The following LAMB3 variants were observed in gnomAD, a reference collection of about 807,000 sequenced individuals.
LAMB3 encodes laminin subunit beta-3.
LAMB3 carries 104 observed loss-of-function variants against 140.3 expected under a neutral mutation model. The ratio of observed to expected loss-of-function variants is 0.74; its 90% CI spans 0.63 to 0.87. The LOEUF (loss-of-function observed/expected upper bound fraction) is 0.87, where lower values mean the gene tolerates loss of function less well. LAMB3 is among the 40% of genes least tolerant of loss of function. LAMB3 has a pLI of 0.00. For synonymous variants in LAMB3, 592 were observed against 602.9 expected (o/e 0.98, Z 0.26); for missense variants, 1,531 against 1,575.2 (o/e 0.97, Z 0.47).
In LAMB3 at chr1:209,615,081, TA is replaced by T; in HGVS notation, c.*189del. 1.6e-6 allele frequency: 1 copy of T among 631,552 alleles called. No individual in the cohort carries two copies. The highest frequency in any genetic ancestry group is 2.8e-6 in the Non-Finnish European group (1 of 363,152). The allele number at this position is 631,552 out of a possible 1,614,324, so 39.1% of individuals were successfully genotyped here. On this transcript the variant is annotated 3_prime_UTR_variant, in exon 23 of 23. Transcript: ENST00000356082. ...CTCCACCATCTTTGTCTGTCAAGTG[TA>T]ACTGTCCCATTGGCTCAGGCTCAGC...
chr1:209,649,875 C>A lies in LAMB3; in HGVS notation c.183+89G>T, dbSNP rs1457280945. 6 of 1,467,072 alleles carry A rather than the reference C, an allele frequency of 4.1e-6. No homozygotes were observed. In the African/African-American group the frequency reaches 7.0e-5, roughly 17 times the overall value. 90.9% of individuals were successfully genotyped at this position (1,467,072 alleles called of 1,614,324 possible). On this transcript the variant is annotated intron_variant, in intron 3 of 22. Coordinates refer to ENST00000356082, the MANE Select transcript of LAMB3 (RefSeq NM_000228.3). Reference sequence around the variant, plus strand: ...GTAGTACACAGGGCTTGGCCTACACCAAGTACATTCTAAGTATTCAGTGGA... The same window carrying A: ...GTAGTACACAGGGCTTGGCCTACACAAAGTACATTCTAAGTATTCAGTGGA...
At chr1:209,651,400 A>G (rs879565032) in intron 1 of LAMB3, 1 of 212,280 alleles carries the variant, frequency 4.7e-6, no homozygotes, top group Non-Finnish European at 9.8e-6. Context: ...CAGGGCCTAG[A>G]CCAGCAGCCT....
At position 209,623,393 on chromosome 1, in the gene LAMB3, G is replaced by A. The variant is rs1666282383; in HGVS notation, c.2358+112C>T. On this transcript the variant is annotated intron_variant, in intron 16 of 22. Coordinates refer to ENST00000356082, the MANE Select transcript of LAMB3 (RefSeq NM_000228.3). The surrounding 1 kb of genome is among the most constrained non-coding windows in gnomAD (Gnocchi z 4.2). ...TACAAGGGTCGGGATGGCTGGGGGA[G>A]TGGGGTTCTCACAGGGGCAGATCTG... 4 of 1,162,410 alleles carry A rather than the reference G, an allele frequency of 3.4e-6. No homozygotes were observed. The highest frequency in any genetic ancestry group is 1.8e-5 in the Admixed American group (1 of 54,796). The allele number at this position is 1,162,410 out of a possible 1,614,324, so 72.0% of individuals were successfully genotyped here.
rs746973120 is a variant in LAMB3, at chr1:209,632,739, G to A, written c.666C>T (p.Thr222=). ...CCCTTTGGGGCACAGGGGCCAGCCT[G>A]GTGAAATTGACTCTCAAGTTTGTGA... is the stretch of plus-strand genomic sequence containing the variant. ...GEITNLRVNF[T]RLAPVPQRGY... is the part of the protein sequence containing the mutation. The change falls in exon 8 of 23, where the codon ACC becomes ACT. Residue 222 remains threonine (T), a synonymous_variant. Coordinates refer to ENST00000356082, the MANE Select transcript of LAMB3 (RefSeq NM_000228.3). 1.9e-6 allele frequency: 3 copies of A among 1,614,224 alleles called. No individual in the cohort carries two copies. The highest frequency in any genetic ancestry group is 2.2e-5 in the East Asian group (1 of 44,880).
At position 209,617,655 on chromosome 1, in the gene LAMB3, T is replaced by C. The variant is rs1666022681; in HGVS notation, c.3052-69A>G. ...AGGTCGGGGGGTTCATCCCCATTTTTTCTCCAACTCATCAGGCAGCAAAAA... is the reference window on the plus strand; with the variant it reads ...AGGTCGGGGGGTTCATCCCCATTTTCTCTCCAACTCATCAGGCAGCAAAAA... On this transcript the variant is annotated intron_variant, in intron 20 of 22. Coordinates refer to ENST00000356082, the MANE Select transcript of LAMB3 (RefSeq NM_000228.3). The C allele has an allele frequency of 1.9e-6, 3 of 1,572,038 alleles. No individual in the cohort carries two copies. The South Asian group carries it at 3.3e-5, about 17-fold the overall frequency.
chr1:209,635,233 A>C lies in LAMB3; in HGVS notation c.373-595T>G, dbSNP rs180945122. On this transcript the variant is annotated intron_variant, in intron 5 of 22. Coordinates refer to ENST00000356082, the MANE Select transcript of LAMB3 (RefSeq NM_000228.3). ...AGCTTGAACAACTTCCTGGAACTGC[A>C]GGTCTATAATAAACTCAGCCTCCAA... Among the ~76,000 whole-genome samples, 11 of 152,260 alleles carry C rather than the reference A, an allele frequency of 7.2e-5. No individual in the cohort carries two copies. The East Asian group carries it at 1.9e-3, about 27-fold the overall frequency.
rs774266864 is a variant in LAMB3, at chr1:209,625,983, G to T, written c.1641C>A (p.Asp547Glu). 25 of 1,613,546 alleles carry T rather than the reference G, an allele frequency of 1.5e-5. No homozygotes were observed. The highest frequency in any genetic ancestry group is 2.1e-5 in the Non-Finnish European group (25 of 1,179,708). Residue 547 changes from aspartate (D) to glutamate (E), a missense_variant, in exon 14 of 23, where the codon GAC becomes GAA. Asp to Glu is a conservative substitution (Grantham distance 45). Coordinates refer to ENST00000356082, the MANE Select transcript of LAMB3 (RefSeq NM_000228.3). Reference protein sequence around the residue: ...DFRGTEGPGCDKASGRCLCRP... With the variant: ...DFRGTEGPGCEKASGRCLCRP... ...GGCAGAGGCAGCGGCCTGATGCCTT[G>T]TCGCAGCCCGGGCCCTCTGTTCCCC...
At chr1:209,642,309 TA>T (rs2076475913) in intron 3 of LAMB3, among the ~76,000 whole-genome samples, 1 of 152,160 alleles carries the variant, frequency 6.6e-6, no homozygotes, top group African/African-American at 2.4e-5. Context: ...TGGAAGGAAA[TA>T]CACCAATATA....
chr1:209,640,484 G>T (rs1447852375), intron 3 of LAMB3, among the ~76,000 whole-genome samples: 1 of 151,838 alleles, frequency 6.6e-6, no homozygotes, highest in African/African-American at 2.4e-5. Context: ...GGAGGCAGAG[G>T]TTGCAGTGAG....
chr1:209,650,566 G>T (rs1360134791), intron 2 of LAMB3, among the ~76,000 whole-genome samples: 1 of 152,246 alleles, frequency 6.6e-6, no homozygotes, highest in East Asian at 1.9e-4. Flanking sequence ...GCCATACTTT[G>T]TGAGTGCCCA....
At position 209,621,160 on chromosome 1, in the gene LAMB3, C is replaced by T. The variant is rs148123274; in HGVS notation, c.2701+1376G>A. ...GGCAGGAGAGAATTCCAACTCACCT[C>T]CCACCCACTGAGGCCAGAGCCCTGG... On this transcript the variant is annotated intron_variant, in intron 18 of 22. Coordinates refer to ENST00000356082, the MANE Select transcript of LAMB3 (RefSeq NM_000228.3). Among the ~76,000 whole-genome samples the T allele has an allele frequency of 3.4e-3, 519 of 152,338 alleles. 17 individuals carry two copies. The highest frequency in any genetic ancestry group is 0.029 in the Admixed American group (447 of 15,300).
intron 20 of LAMB3, 81 bp from the exon 21 acceptor site, chr1:209,617,667 T>C: frequency 6.5e-7 from 1 of 1,530,518 alleles, no homozygotes; most frequent in Middle Eastern, 1.9e-4. Context: ...CTCCAACTCA[T>C]CAGGCAGCAA....
chr1:209,651,374 G>A (rs41274830), intron 1 of LAMB3: 2,715 of 227,548 alleles, frequency 0.012, 39 homozygotes, highest in Middle Eastern at 0.028. Flanking sequence ...CCCCAAGAGA[G>A]AGGGCTGGCT....
At chr1:209,619,573 C>T (rs909409677) in intron 18 of LAMB3, among the ~76,000 whole-genome samples, 6 of 152,208 alleles carry the variant, frequency 3.9e-5, no homozygotes, top group Admixed American at 3.9e-4. Flanking sequence ...TGAAACAATC[C>T]ATTTGCAAGA....
Position 209,650,044 on chromosome 1 carries a change from C to G in LAMB3, c.103G>C (p.Val35Leu). ...ACYPPVGDLL[V>L]GRTRFLRASS... ...GCTCGGAGAAACCGGGTCCTCCCAA[C>G]AAGCAGGTCCCCAACAGGTGGATAG... Residue 35 changes from valine to leucine, a missense_variant, in exon 3 of 23, where the codon GTT (valine) becomes CTT (leucine). Transcript: ENST00000356082. 1 of 1,614,194 alleles carries G rather than the reference C, an allele frequency of 6.2e-7. No homozygotes were observed. Among genetic ancestry groups the G allele is most frequent in the Non-Finnish European group, 8.5e-7 (1 of 1,180,038 alleles).
At chr1:209,640,159 G>A (rs138547291) in intron 3 of LAMB3, among the ~76,000 whole-genome samples, 185 of 152,280 alleles carry the variant, frequency 1.2e-3, no homozygotes, top group African/African-American at 4.2e-3. Context: ...CCTAGTGCTT[G>A]GAGGTGCCCT....
At chr1:209,635,326 A>G (rs1025019037) in intron 5 of LAMB3, among the ~76,000 whole-genome samples, 9 of 152,114 alleles carry the variant, frequency 5.9e-5, no homozygotes, top group Non-Finnish European at 1.2e-4. Context: ...TGATCTCCCT[A>G]GTAAGCTTCA....
intron 5 of LAMB3, 146 bp downstream of exon 5, chr1:209,637,762 C>T (rs909055404): frequency 4.5e-5 from 32 of 713,010 alleles, no homozygotes; most frequent in Non-Finnish European, 7.7e-5. Flanking sequence ...AGCCCAGGAG[C>T]GAGTCCTCTT....
chr1:209,622,830 G>GA (rs1373178840), intron 17 of LAMB3, 150 bp from the exon 18 acceptor site: 63 of 1,355,460 alleles, frequency 4.6e-5, no homozygotes, highest in Admixed American at 8.5e-5. Flanking sequence ...CAGTAAAAGA[G>GA]AAAAAAAACT....
Sources: gnomAD v4.1 joint callset for allele counts (sites outside exome capture counted in the v4.1 genomes callset) on GRCh38, gnomAD v4.1.1 for gene constraint, Gnocchi (gnomAD v3.1) non-coding constraint, MANE v1.5 for transcripts, NCBI Gene and HGNC (gene_info 2026-07-23, HGNC 2026-07-21) for gene names.